ABI3BP: variants seen among roughly 807,000 people sequenced by gnomAD.
ABI3BP encodes ABI family member 3 binding protein.
A neutral mutation model predicts 268.6 loss-of-function variants in ABI3BP; 216 were observed. The ratio of observed to expected loss-of-function variants is 0.80; its 90% CI spans 0.72 to 0.90. The LOEUF is 0.90. ABI3BP is among the 40% of genes least tolerant of loss of function. The pLI, the probability that ABI3BP is intolerant of heterozygous loss-of-function variation, is 0.00. For synonymous variants in ABI3BP, 730 were observed against 730.0 expected, an observed-to-expected ratio of 1.00 and a Z score of 0.00; for missense variants, 2,090 against 2,182.4, an observed-to-expected ratio of 0.96 and a Z score of 0.84.
intron 2 of ABI3BP, among the ~76,000 whole-genome samples, chr3:100,917,110 C>A (rs1404959621): frequency 2.6e-5 from 4 of 152,170 alleles, no homozygotes; most frequent in Admixed American, 1.3e-4. Flanking sequence ...AGGGAGCCTT[C>A]CCTAGCAAAC....
chr3:100,838,321 C>T, intron 25 of ABI3BP, 37 bp from the exon 26 acceptor site: 1 of 1,530,920 alleles, frequency 6.5e-7, no homozygotes, highest in Non-Finnish European at 8.8e-7. Flanking sequence ...AGTGTTACGG[C>T]TGAGCTGTGA....
At chr3:100,993,272 T>A (rs1398985533) in intron 1 of ABI3BP, 34 bp downstream of exon 1, 20 of 1,394,072 alleles carry the variant, frequency 1.4e-5, no homozygotes, top group Non-Finnish European at 2.0e-5. Context: ...TATCTTAATA[T>A]TATTTTTAAA....
chr3:100,992,868 T>C (rs2093170434), intron 1 of ABI3BP, among the ~76,000 whole-genome samples: 1 of 152,170 alleles, frequency 6.6e-6, no homozygotes, highest in African/African-American at 2.4e-5. Context: ...GGTCAACAGG[T>C]ATGTTTGAGG....
intron 6 of ABI3BP, 34 bp from the exon 7 acceptor site, chr3:100,876,594 C>T (rs1245383621): frequency 6.3e-7 from 1 of 1,590,800 alleles, no homozygotes; most frequent in Non-Finnish European, 8.6e-7. Flanking sequence ...ACTTTTGAGT[C>T]ATTGTGAATA....
At chr3:100,802,127 A>G (rs1312566264) in intron 51 of ABI3BP, among the ~76,000 whole-genome samples, 1 of 152,244 alleles carries the variant, frequency 6.6e-6, no homozygotes, top group Admixed American at 6.5e-5. Flanking sequence ...TAATTAGTTC[A>G]CAAAAAACTC....
chr3:100,959,358 C>T (rs903448615), intron 1 of ABI3BP, among the ~76,000 whole-genome samples: 26 of 151,018 alleles, frequency 1.7e-4, no homozygotes, highest in African/African-American at 5.3e-4. Context: ...GGCGTGGTAG[C>T]GGGCGCCTGT....
chr3:100,870,923 A>G (rs1330694620), intron 9 of ABI3BP, among the ~76,000 whole-genome samples: 2 of 152,208 alleles, frequency 1.3e-5, no homozygotes, highest in Admixed American at 1.3e-4. Context: ...ATGCTAAATG[A>G]TATAAGCCAA....
Position 100,886,143 on chromosome 3 carries a change from TC to T in ABI3BP, c.641del (p.Gly214GlufsTer5), listed in dbSNP as rs1249250933. The part of the protein sequence containing the change: ...SKIFNHKTVV[G>X]SKKVNGKIQS... Reference sequence around the variant, plus strand: ...AAACAAACATTTCTAGGTACTTACTTCCAACAACAGTCTTGTGATTGAAAAT... The same window carrying T: ...AAACAAACATTTCTAGGTACTTACTTCAACAACAGTCTTGTGATTGAAAAT... On this transcript the variant is annotated frameshift_variant and splice_region_variant, in exon 5 of 68. Transcript: ENST00000471714. LOFTEE classifies it high-confidence loss of function. 6.3e-7 allele frequency: 1 copy of T among 1,577,100 alleles called. No individual in the cohort carries two copies. The highest frequency in any genetic ancestry group is 8.6e-7 in the Non-Finnish European group (1 of 1,165,074).
At chr3:100,900,641 G>A (rs2049870288) in intron 3 of ABI3BP, among the ~76,000 whole-genome samples, 1 of 152,002 alleles carries the variant, frequency 6.6e-6, no homozygotes, top group Middle Eastern at 3.2e-3. Context: ...ATTTCACTAA[G>A]GTTGAATCTT....
At chr3:100,931,771 C>T (rs1188435455) in intron 1 of ABI3BP, among the ~76,000 whole-genome samples, 2 of 152,058 alleles carry the variant, frequency 1.3e-5, no homozygotes, top group East Asian at 3.8e-4. Flanking sequence ...GTAAAATGGC[C>T]ATACTGCCCA....
chr3:100,895,792 A>G (rs990466496), intron 4 of ABI3BP, among the ~76,000 whole-genome samples: 6 of 152,244 alleles, frequency 3.9e-5, no homozygotes, highest in African/African-American at 1.4e-4. Flanking sequence ...TTATGCATGA[A>G]CATATGAGGG....
At position 100,875,510 on chromosome 3, in the gene ABI3BP, A is replaced by G. The variant is rs753143096; in HGVS notation, c.815T>C (p.Leu272Pro). ...PEKAPLGGVILVHLIIPGLNE... is the reference protein window; with the variant it reads ...PEKAPLGGVIPVHLIIPGLNE... ...CATAGATTTCGAGATCCACTCACCTAGTATCACTCCTCCCAGTGGAGCTTT... is the reference window on the plus strand; with the variant it reads ...CATAGATTTCGAGATCCACTCACCTGGTATCACTCCTCCCAGTGGAGCTTT... Residue 272 changes from leucine (L) to proline (P), a missense_variant and splice_region_variant, in exon 8 of 68, where the codon CTA becomes CCA. Transcript: ENST00000471714. 1.9e-6 allele frequency: 3 copies of G among 1,606,708 alleles called. No individual in the cohort carries two copies. The highest frequency in any genetic ancestry group is 1.3e-5 in the African/African-American group (1 of 74,908).
intron 1 of ABI3BP, among the ~76,000 whole-genome samples, chr3:100,978,251 G>C (rs1396678599): frequency 6.6e-6 from 1 of 152,202 alleles, no homozygotes; most frequent in Non-Finnish European, 1.5e-5. Flanking sequence ...TCTAGCTGAA[G>C]GGCTGGCTAG....
chr3:100,894,941 A>C (rs2046697086), intron 4 of ABI3BP, among the ~76,000 whole-genome samples: 1 of 93,052 alleles, frequency 1.1e-5, no homozygotes, highest in African/African-American at 4.1e-5. Context: ...TCCGCTTCAA[A>C]AAAAAAAAAA....
At chr3:100,780,027 G>T in intron 58 of ABI3BP, 105 bp downstream of exon 58, 2 of 939,024 alleles carry the variant, frequency 2.1e-6, no homozygotes, top group Non-Finnish European at 3.4e-6. Flanking sequence ...CTGATACTTC[G>T]GGGGCTGTGT....
chr3:100,881,416 A>G (rs531919571), intron 6 of ABI3BP, among the ~76,000 whole-genome samples: 163 of 152,334 alleles, frequency 1.1e-3, no homozygotes, highest in Non-Finnish European at 2.1e-3. Flanking sequence ...AAAGATAAAA[A>G]TAGATGTCAT....
intron 1 of ABI3BP, among the ~76,000 whole-genome samples, chr3:100,992,166 TTTAC>T (rs2093041175): frequency 6.6e-6 from 1 of 152,080 alleles, no homozygotes; most frequent in African/African-American, 2.4e-5. Context: ...GTTGAGAAAG[TTTAC>T]TTAGTCTTTT....
At chr3:100,824,613 A>G (rs752655951) in intron 36 of ABI3BP, among the ~76,000 whole-genome samples, 2 of 152,242 alleles carry the variant, frequency 1.3e-5, no homozygotes, top group Non-Finnish European at 2.9e-5. Context: ...AGTAAGAAAT[A>G]TACTAACTAT....
At chr3:100,764,271 G>C (rs576069854) in intron 63 of ABI3BP, among the ~76,000 whole-genome samples, 284 of 152,248 alleles carry the variant, frequency 1.9e-3, no homozygotes, top group African/African-American at 6.4e-3. Flanking sequence ...CTCCCACCCT[G>C]GGATCCCATA....
Sources: gnomAD v4.1 joint callset for allele counts (sites outside exome capture counted in the v4.1 genomes callset) on GRCh38, gnomAD v4.1.1 for gene constraint, MANE v1.5 for transcripts, NCBI Gene and HGNC (gene_info 2026-07-23, HGNC 2026-07-21) for gene names.